Variants in CSPP1 observed in about 807,000 individuals in gnomAD.
CSPP1 encodes centrosome and spindle pole associated protein 1.
Under a neutral mutation model 164.4 loss-of-function variants are expected in CSPP1, and 126 were observed. That is an observed-to-expected ratio of 0.77 (90% CI 0.66 to 0.89). The LOEUF (loss-of-function observed/expected upper bound fraction) is 0.89. Among genes scored for constraint, CSPP1 ranks in the 40% least tolerant of loss-of-function variants. CSPP1 has a pLI of 0.00. For synonymous variants in CSPP1, 472 were observed against 476.7 expected, an observed-to-expected ratio of 0.99 and a Z score of 0.13; for missense variants, 1,395 against 1,449.8, an observed-to-expected ratio of 0.96 and a Z score of 0.61.
intron 17 of CSPP1, among the ~76,000 whole-genome samples, 165 bp downstream of exon 17, chr8:67,137,768 A>T (rs990936959): frequency 2.6e-5 from 4 of 152,234 alleles, no homozygotes; most frequent in African/African-American, 4.8e-5. Context: ...AACAGAGGCT[A>T]GAAAGCATTT....
rs143493154 is a variant in CSPP1, at chr8:67,100,915, T to A, written c.924-2122T>A. On this transcript the variant is annotated intron_variant, in intron 7 of 30. Coordinates refer to ENST00000678616, the MANE Select transcript of CSPP1 (RefSeq NM_001382391.1). ...ATGGGTTCTCAAGAAAACCTCTAGG[T>A]TGGGTGATTTGCTAGGAGGATCCAT... Among the ~76,000 whole-genome samples the A allele has an allele frequency of 7.7e-4, 117 of 152,118 alleles. 1 individual carries two copies. The highest frequency in any genetic ancestry group is 2.7e-3 in the African/African-American group (111 of 41,532).
intron 16 of CSPP1, among the ~76,000 whole-genome samples, chr8:67,133,238 T>G (rs140965032): frequency 2.4e-4 from 37 of 152,346 alleles, no homozygotes; most frequent in African/African-American, 8.7e-4. Flanking sequence ...CTTTCCAAAA[T>G]GTAGACACTT....
intron 13 of CSPP1, 72 bp downstream of exon 13, chr8:67,116,194 C>A (rs1817890474): frequency 9.6e-7 from 1 of 1,043,470 alleles, no homozygotes. Flanking sequence ...GAAGGATATA[C>A]TGAAGCGGAT....
At chr8:67,070,630 A>G (rs760481701) in intron 1 of CSPP1, among the ~76,000 whole-genome samples, 6 of 151,990 alleles carry the variant, frequency 3.9e-5, no homozygotes, top group Non-Finnish European at 7.4e-5. Context: ...GCGAGACCTC[A>G]TCTCTAAAAA....
intron 17 of CSPP1, among the ~76,000 whole-genome samples, chr8:67,140,800 T>G (rs1823341143): frequency 6.6e-6 from 1 of 152,222 alleles, no homozygotes; most frequent in Admixed American, 6.5e-5. Flanking sequence ...GACTCAGGGA[T>G]CCATTGTTTC....
chr8:67,135,324 A>AT (rs953895771), intron 16 of CSPP1: 57 of 150,116 alleles, frequency 3.8e-4, no homozygotes, highest in Admixed American at 1.4e-3. Flanking sequence ...TTTATTTTTT[A>AT]TTTTTTTTTG....
At chr8:67,072,982 A>G (rs1401293686) in intron 1 of CSPP1, among the ~76,000 whole-genome samples, 4 of 152,118 alleles carry the variant, frequency 2.6e-5, no homozygotes, top group South Asian at 2.1e-4. Flanking sequence ...AGATGAAAAG[A>G]TGCTCAACAT....
intron 1 of CSPP1, among the ~76,000 whole-genome samples, chr8:67,065,768 A>G (rs1255371775): frequency 6.6e-6 from 1 of 152,084 alleles, no homozygotes; most frequent in African/African-American, 2.4e-5. Flanking sequence ...ACCTCAAGTG[A>G]TCCGTTTGCC....
chr8:67,082,116 C>T (rs749201777), intron 3 of CSPP1, among the ~76,000 whole-genome samples: 3 of 152,236 alleles, frequency 2.0e-5, no homozygotes, highest in South Asian at 2.1e-4. Context: ...GGCGCGATCT[C>T]GGCTCACTGC....
intron 24 of CSPP1, among the ~76,000 whole-genome samples, chr8:67,165,879 G>C (rs1382291574): frequency 1.3e-5 from 2 of 152,200 alleles, no homozygotes; most frequent in Non-Finnish European, 2.9e-5. Context: ...GTGGAATTAA[G>C]CTTCATCTCT....
chr8:67,064,608 G>A, intron 1 of CSPP1, 70 bp downstream of exon 1: 3 of 1,437,304 alleles, frequency 2.1e-6, no homozygotes, highest in Non-Finnish European at 2.8e-6. Flanking sequence ...CGGAGCGGGG[G>A]CAGGGGCAGT....
At chr8:67,154,481 C>CT (rs1450560815) in intron 19 of CSPP1, among the ~76,000 whole-genome samples, 1 of 152,172 alleles carries the variant, frequency 6.6e-6, no homozygotes, top group Non-Finnish European at 1.5e-5. Context: ...ATTCTCCTGC[C>CT]TCAGCCTCCT....
At chr8:67,166,204 A>G (rs924458226) in intron 24 of CSPP1, among the ~76,000 whole-genome samples, 8 of 152,040 alleles carry the variant, frequency 5.3e-5, no homozygotes, top group African/African-American at 1.4e-4. Flanking sequence ...AGAATCAGCT[A>G]TTTCTCCAAG....
intron 7 of CSPP1, among the ~76,000 whole-genome samples, chr8:67,101,184 T>C (rs1415528568): frequency 6.6e-6 from 1 of 152,216 alleles, no homozygotes; most frequent in African/African-American, 2.4e-5. Flanking sequence ...AAGGTTTTTA[T>C]TGTGGGATGG....
In CSPP1 at chr8:67,159,121, T is replaced by C. The variant is rs376353407; in HGVS notation, c.2522T>C (p.Ile841Thr). ...LQHYCERDNLIGEETKHMRQP... is the reference protein window; with the variant it reads ...LQHYCERDNLTGEETKHMRQP... ...CACTACTGTGAAAGAGACAATTTGA[T>C]TGGGGAAGAAACAAAGGTAAGTTTC... The change falls in exon 21 of 31, where the codon ATT (isoleucine) becomes ACT (threonine). Residue 841 changes from isoleucine (I) to threonine (T), a missense_variant. Transcript: ENST00000678616. The C allele has an allele frequency of 7.5e-5, 120 of 1,598,808 alleles. No homozygotes were observed. Among genetic ancestry groups the C allele is most frequent in the Non-Finnish European group, 9.5e-5 (112 of 1,176,312 alleles).
At chr8:67,101,885 A>G (rs893420819) in intron 7 of CSPP1, among the ~76,000 whole-genome samples, 2 of 152,170 alleles carry the variant, frequency 1.3e-5, no homozygotes, top group Admixed American at 6.5e-5. Flanking sequence ...GAAAGACAAT[A>G]TAGTTGGGTA....
At position 67,118,795 on chromosome 8, in the gene CSPP1, C is replaced by T; in HGVS notation, c.1671C>T (p.Val557=). ...VQPAAYVSAP[V]THQLAQPVVN... ...CTGCAGCTTATGTTAGTGCTCCTGT[C>T]ACCCACCAACTAGCACAACCTGTTG... is the stretch of plus-strand genomic sequence containing the variant. Residue 557 remains valine, a synonymous_variant, in exon 15 of 31, where the codon GTC becomes GTT. Coordinates refer to ENST00000678616, the MANE Select transcript of CSPP1 (RefSeq NM_001382391.1). 1 of 1,610,762 alleles carries T rather than the reference C, an allele frequency of 6.2e-7. No individual in the cohort carries two copies. The highest frequency in any genetic ancestry group is 8.5e-7 in the Non-Finnish European group (1 of 1,177,130).
chr8:67,076,415 G>A, intron 2 of CSPP1, 67 bp from the exon 3 acceptor site: 4 of 790,386 alleles, frequency 5.1e-6, no homozygotes, highest in Non-Finnish European at 4.0e-6. Context: ...ATTAAAATTT[G>A]AGATGAGTTG....
At chr8:67,136,211 A>G (rs575255243) in intron 16 of CSPP1, among the ~76,000 whole-genome samples, 2 of 152,272 alleles carry the variant, frequency 1.3e-5, no homozygotes, top group African/African-American at 4.8e-5. Context: ...AGCCCATGCC[A>G]TTGGAAAAAT....
Sources: allele counts gnomAD v4.1 joint callset (sites outside exome capture counted in the v4.1 genomes callset), GRCh38; gene constraint gnomAD v4.1.1; transcripts MANE v1.5; gene names NCBI Gene and HGNC (gene_info 2026-07-23, HGNC 2026-07-21).